The following ZFAT variants were observed in gnomAD, a reference collection of about 807,000 sequenced individuals.
The protein encoded by ZFAT is zinc finger and AT-hook domain containing, also known as zinc finger protein ZFAT.
Under a neutral mutation model 117.7 loss-of-function variants are expected in ZFAT, and 64 were observed. That is an observed-to-expected ratio of 0.54 (90% CI 0.44 to 0.67). The LOEUF (loss-of-function observed/expected upper bound fraction) is 0.67. Among genes scored for constraint, ZFAT ranks in the 30% least tolerant of loss-of-function variants. The pLI, the probability that ZFAT is intolerant of heterozygous loss-of-function variation, is 0.00. For synonymous variants in ZFAT, 679 were observed against 615.0 expected (o/e 1.10, Z -1.54); for missense variants, 1,433 against 1,584.5 (o/e 0.90, Z 1.62).
intron 1 of ZFAT, among the ~76,000 whole-genome samples, chr8:134,677,104 A>G (rs201931742): frequency 2.6e-5 from 4 of 151,306 alleles, no homozygotes; most frequent in African/African-American, 9.7e-5. Flanking sequence ...GAGCAGAACT[A>G]AAGGAGATAG....
At chr8:134,761,526 C>T in the ZFAT span, among the ~76,000 whole-genome samples, 2 of 150,994 alleles carry the variant, frequency 1.3e-5, no homozygotes, top group Admixed American at 6.6e-5. Context: ...ATGGTGAAAC[C>T]CCGTCTCTAC....
intron 1 of ZFAT, among the ~76,000 whole-genome samples, chr8:134,700,121 G>A (rs1586970302): frequency 1.3e-5 from 2 of 152,252 alleles, no homozygotes; most frequent in South Asian, 4.1e-4. Flanking sequence ...GCACCAGCCA[G>A]TCCAGTGTGT....
At chr8:134,479,232 G>A (rs1160640327) in intron 15 of ZFAT, among the ~76,000 whole-genome samples, 5 of 152,218 alleles carry the variant, frequency 3.3e-5, no homozygotes, top group Non-Finnish European at 5.9e-5. Context: ...CTAGGAAGGA[G>A]CAGACGCCTG....
the ZFAT span, among the ~76,000 whole-genome samples, chr8:134,826,679 T>A: frequency 2.4e-4 from 37 of 152,342 alleles, no homozygotes; most frequent in East Asian, 4.8e-3. Flanking sequence ...TATTAAATTA[T>A]ACATACTGTG....
chr8:134,797,481 A>G, the ZFAT span: 1 of 152,152 alleles, frequency 6.6e-6, no homozygotes. Flanking sequence ...ACAACCCACA[A>G]ATCCTGTTTT....
chr8:134,604,119 G>A (rs1586799599), intron 5 of ZFAT, among the ~76,000 whole-genome samples: 3 of 152,338 alleles, frequency 2.0e-5, no homozygotes, highest in South Asian at 4.1e-4. Context: ...TGTGTGTGCT[G>A]AATGAGATGG....
chr8:134,684,454 C>T (rs938758903), intron 1 of ZFAT, among the ~76,000 whole-genome samples: 3 of 152,174 alleles, frequency 2.0e-5, no homozygotes, highest in African/African-American at 7.2e-5. Flanking sequence ...GCCTCAGACA[C>T]GTCAACTTGT....
Position 134,624,901 on chromosome 8 carries a change from C to T in ZFAT, c.448+12560G>A, listed in dbSNP as rs183924905. ...AACACTGCACTAATATTCTAAAGTA[C>T]CTATTCTAAATTGCCCAAGAACTAA... On this transcript the variant is annotated intron_variant, in intron 3 of 15. Coordinates refer to ENST00000377838, the MANE Select transcript of ZFAT (RefSeq NM_020863.4). Among the ~76,000 whole-genome samples the T allele has an allele frequency of 6.0e-5, 9 of 150,748 alleles. No homozygotes were observed. The East Asian group carries it at 1.7e-3, about 29-fold the overall frequency.
chr8:134,515,678 T>A (rs1289020098), intron 13 of ZFAT, among the ~76,000 whole-genome samples: 1 of 152,210 alleles, frequency 6.6e-6, no homozygotes, highest in African/African-American at 2.4e-5. Context: ...GTAAATTTGT[T>A]TAAGTTCCTT....
At chr8:134,599,350 T>A (rs1037485782) in intron 7 of ZFAT, 3 of 179,310 alleles carry the variant, frequency 1.7e-5, no homozygotes, top group Non-Finnish European at 3.6e-5. Context: ...TAGGTGTGTA[T>A]AAGCACGTGT....
chr8:134,832,121 A>T, the ZFAT span, among the ~76,000 whole-genome samples: 2 of 149,212 alleles, frequency 1.3e-5, no homozygotes, highest in Middle Eastern at 3.4e-3. Flanking sequence ...CGCCAGCGCC[A>T]GGGTGAGGGG....
chr8:134,512,511 C>T lies in ZFAT; in HGVS notation c.3325G>A (p.Ala1109Thr), dbSNP rs762566183. 1.9e-6 allele frequency: 3 copies of T among 1,613,850 alleles called. No individual in the cohort carries two copies. In the African/African-American group the frequency reaches 4.0e-5, roughly 22 times the overall value. Reference protein sequence around the residue: ...EDVQGTQAAVAALQDLRYTSE... With the variant: ...EDVQGTQAAVTALQDLRYTSE... ...GTGTATCTCAGGTCCTGGAGCGCGG[C>T]CACCGCTGCCTGTGTCCCTTGAACG... is the stretch of plus-strand genomic sequence containing the variant. Residue 1109 changes from alanine (A) to threonine (T), a missense_variant, in exon 14 of 16, where the codon GCC becomes ACC. Physicochemically the swap from Ala to Thr is moderately conservative, Grantham distance 58 (BLOSUM62 0). Around this residue, in one of 5 missense-constraint regions of ZFAT, gnomAD observed 503 missense variants for 543.4 expected, o/e 0.93. Transcript: ENST00000377838.
intron 8 of ZFAT, among the ~76,000 whole-genome samples, chr8:134,589,963 C>CCCATCGAAAGGT (rs1826341558): frequency 6.6e-6 from 1 of 152,194 alleles, no homozygotes; most frequent in African/African-American, 2.4e-5. Context: ...AAGCTTATGA[C>CCCATCGAAAGGT]AACAGCCCTG....
At chr8:134,820,395 C>G in the ZFAT span, among the ~76,000 whole-genome samples, 15 of 152,342 alleles carry the variant, frequency 9.8e-5, no homozygotes, top group African/African-American at 3.6e-4. Context: ...CTGTAAGCTC[C>G]TTTAGGACAA....
At chr8:134,508,615 C>T (rs780949586) in intron 15 of ZFAT, among the ~76,000 whole-genome samples, 1 of 152,208 alleles carries the variant, frequency 6.6e-6, no homozygotes, top group Non-Finnish European at 1.5e-5. Context: ...ACTTCCCTTG[C>T]TTTACTTTTC....
chr8:134,557,115 C>G (rs6578237), intron 11 of ZFAT, among the ~76,000 whole-genome samples: 53,655 of 151,884 alleles, frequency 0.35, 9,795 homozygotes, highest in East Asian at 0.67. Context: ...GTGTTTTATG[C>G]TTCTTACATT....
At chr8:134,525,550 T>C (rs1337530017) in intron 12 of ZFAT, among the ~76,000 whole-genome samples, 1 of 152,220 alleles carries the variant, frequency 6.6e-6, no homozygotes, top group Non-Finnish European at 1.5e-5. Context: ...AGATGCAGTT[T>C]TGATGCGCTC....
rs540042831 is a variant in ZFAT at position 134,539,316 on chromosome 8, T to C, written c.2977-6344A>G. ...CAAAAAGAGGAGTTGCTCTGTTGGCTCCTATTCGCAGCAAGCAAGAAGGCT... is the reference window on the plus strand; with the variant it reads ...CAAAAAGAGGAGTTGCTCTGTTGGCCCCTATTCGCAGCAAGCAAGAAGGCT... On this transcript the variant is annotated intron_variant, in intron 11 of 15. Coordinates refer to ENST00000377838, the MANE Select transcript of ZFAT (RefSeq NM_020863.4). 4.6e-5 allele frequency among the ~76,000 whole-genome samples: 7 copies of C among 152,314 alleles called. No homozygotes were observed. In the South Asian group the frequency reaches 1.5e-3, roughly 32 times the overall value.
the ZFAT span, chr8:134,797,496 T>C: frequency 1.3e-5 from 2 of 152,134 alleles, no homozygotes; most frequent in Non-Finnish European, 2.9e-5. Flanking sequence ...TGTTTTTATT[T>C]TTTGACAAAA....
Sources: allele counts gnomAD v4.1 joint callset (sites outside exome capture counted in the v4.1 genomes callset), GRCh38; gene constraint gnomAD v4.1.1; regional missense constraint gnomAD v4.1.1; transcripts MANE v1.5; gene names NCBI Gene and HGNC (gene_info 2026-07-23, HGNC 2026-07-21).